The following TSKS variants were observed in gnomAD, a reference collection of about 807,000 sequenced individuals.
TSKS encodes testis specific serine kinase substrate.
A neutral mutation model predicts 68.0 loss-of-function variants in TSKS; 27 were observed. The ratio of observed to expected loss-of-function variants is 0.40; its 90% CI spans 0.29 to 0.55. TSKS has a LOEUF of 0.55. Ranked by LOEUF, TSKS falls within the 20% of genes least tolerant of loss-of-function variation. The pLI, the probability that TSKS is intolerant of heterozygous loss-of-function variation, is 0.53. For missense variants in TSKS, 806 were observed against 776.0 expected (o/e 1.04, Z -0.46); for synonymous variants, 331 against 340.4 (o/e 0.97, Z 0.30).
intron 7 of TSKS, among the ~76,000 whole-genome samples, chr19:49,744,858 G>C (rs1444538099): frequency 1.3e-5 from 2 of 152,142 alleles, no homozygotes; most frequent in Non-Finnish European, 2.9e-5. Context: ...CCAATGTGCT[G>C]GGATTATAGA....
chr19:49,762,248 A>C lies in TSKS; in HGVS notation c.171-16T>G. On this transcript the variant is annotated splice_polypyrimidine_tract_variant and intron_variant, in intron 1 of 10. Coordinates refer to ENST00000246801, the MANE Select transcript of TSKS (RefSeq NM_021733.2). Reference sequence around the variant, plus strand: ...GGGCTCCACCCTGCAGAGAAGAAACAGGCAGAAAAGTGGAGAAGCAGCCCC... The same window carrying C: ...GGGCTCCACCCTGCAGAGAAGAAACCGGCAGAAAAGTGGAGAAGCAGCCCC... 6.2e-7 allele frequency: 1 copy of C among 1,608,142 alleles called. No homozygotes were observed. The highest frequency in any genetic ancestry group is 1.1e-5 in the South Asian group (1 of 90,592).
At position 49,747,647 on chromosome 19, in the gene TSKS, G is replaced by A. The variant is rs141644467; in HGVS notation, c.580-175C>T. Among the ~76,000 whole-genome samples the A allele has an allele frequency of 4.4e-3, 668 of 152,274 alleles. 7 individuals are homozygous for A. The highest frequency in any genetic ancestry group is 0.016 in the African/African-American group (646 of 41,566). ...GCTTCCTCCTTAGCCAGATGTGCCA[G>A]AGTGGCACCCCTCCACTTCCTCCCA... On this transcript the variant is annotated intron_variant, in intron 4 of 10. Coordinates refer to ENST00000246801, the MANE Select transcript of TSKS (RefSeq NM_021733.2).
Position 49,745,241 on chromosome 19 carries a change from A to G in TSKS, c.1148T>C (p.Leu383Ser). 1 of 1,607,068 alleles carries G rather than the reference A, an allele frequency of 6.2e-7. No individual in the cohort carries two copies. Among genetic ancestry groups the G allele is most frequent in the Non-Finnish European group, 8.5e-7 (1 of 1,177,964 alleles). Reference protein sequence around the residue: ...QREQAQTARDLQELRGRADEL... With the variant: ...QREQAQTARDSQELRGRADEL... ...ATCCGCCCGACCTCGCAGCTCCTGC[A>G]AGTCCCGCGCCGTCTGTGCCTGTTC... The change falls in exon 7 of 11, where the codon TTG (leucine) becomes TCG (serine). Residue 383 changes from leucine to serine, a missense_variant. Coordinates refer to ENST00000246801, the MANE Select transcript of TSKS (RefSeq NM_021733.2).
chr19:49,757,535 G>GC (rs2084401682), intron 2 of TSKS, among the ~76,000 whole-genome samples: 1 of 152,164 alleles, frequency 6.6e-6, no homozygotes, highest in African/African-American at 2.4e-5. Flanking sequence ...CCAGTTACTA[G>GC]CCGTATGACC....
chr19:49,758,495 A>G (rs1364775701), intron 2 of TSKS, among the ~76,000 whole-genome samples: 1 of 152,184 alleles, frequency 6.6e-6, no homozygotes, highest in African/African-American at 2.4e-5. Flanking sequence ...TGACTCAGAA[A>G]TAGCTCTGGT....
intron 2 of TSKS, among the ~76,000 whole-genome samples, chr19:49,753,988 G>A (rs540190979): frequency 1.0e-3 from 150 of 148,860 alleles, no homozygotes; most frequent in Middle Eastern, 3.4e-3. Flanking sequence ...GGGTTCAAGC[G>A]ATTCCCCTGC....
At chr19:49,743,233 C>T (rs2084266855) in intron 8 of TSKS, among the ~76,000 whole-genome samples, 5 of 151,794 alleles carry the variant, frequency 3.3e-5, no homozygotes, top group Admixed American at 2.0e-4. Flanking sequence ...TGCTCACCAC[C>T]ACACCCAGCT....
chr19:49,748,022 C>T, intron 4 of TSKS, 63 bp downstream of exon 4: 2 of 1,516,134 alleles, frequency 1.3e-6, no homozygotes, highest in Non-Finnish European at 1.8e-6. Flanking sequence ...TCCCCTCTTT[C>T]TCCCACCCTC....
At chr19:49,757,042 A>C (rs1176553256) in intron 2 of TSKS, among the ~76,000 whole-genome samples, 1 of 152,226 alleles carries the variant, frequency 6.6e-6, no homozygotes, top group South Asian at 2.1e-4. Context: ...CCTAGGTGAC[A>C]GAGACTCTGT....
intron 2 of TSKS, among the ~76,000 whole-genome samples, chr19:49,756,596 TAGAA>T (rs1246247970): frequency 2.9e-5 from 4 of 139,964 alleles, no homozygotes; most frequent in South Asian, 2.2e-4. Flanking sequence ...AAACTAGAAA[TAGAA>T]AGGAAGAAAG....
Position 49,763,150 on chromosome 19 carries a change from G to A in TSKS, c.98C>T (p.Pro33Leu). The change falls in exon 1 of 11, where the codon CCA (proline) becomes CTA (leucine). Residue 33 changes from proline (P) to leucine (L), a missense_variant. Transcript: ENST00000246801. The surrounding 1 kb of genome is among the most constrained non-coding windows in gnomAD (Gnocchi z 4.5). ...TGVESCSQLVPEAPRRVTSRA... is the reference protein window; with the variant it reads ...TGVESCSQLVLEAPRRVTSRA... ...GCTGGTCACCCTCCGGGGAGCCTCT[G>A]GGACTAGCTGGGAGCAGCTCTCCAC... 1 of 1,609,894 alleles carries A rather than the reference G, an allele frequency of 6.2e-7. No homozygotes were observed. Among genetic ancestry groups the A allele is most frequent in the Non-Finnish European group, 8.5e-7 (1 of 1,178,018 alleles).
chr19:49,742,904 G>A (rs2084263765), intron 8 of TSKS, among the ~76,000 whole-genome samples: 2 of 152,032 alleles, frequency 1.3e-5, no homozygotes. Flanking sequence ...GTTGTACTGT[G>A]AGTCCCCCTT....
chr19:49,759,930 G>A (rs1360613704), intron 2 of TSKS, among the ~76,000 whole-genome samples: 2 of 150,864 alleles, frequency 1.3e-5, no homozygotes, highest in Non-Finnish European at 3.0e-5. Flanking sequence ...GAGGTGGGCG[G>A]TCATCTGAGG....
chr19:49,747,613 A>G (rs1473178232), intron 4 of TSKS, 141 bp from the exon 5 acceptor site: 1 of 817,312 alleles, frequency 1.2e-6, no homozygotes, highest in Non-Finnish European at 2.0e-6. Flanking sequence ...TTCCTTGGCT[A>G]AGGGGATGGC....
At chr19:49,757,115 A>G (rs1158668919) in intron 2 of TSKS, among the ~76,000 whole-genome samples, 3 of 152,242 alleles carry the variant, frequency 2.0e-5, no homozygotes, top group Non-Finnish European at 1.5e-5. Context: ...AGACTACTTC[A>G]TAAGAGGAAC....
At position 49,741,955 on chromosome 19, in the gene TSKS, A is replaced by G. The variant is rs1325317843; in HGVS notation, c.1427T>C (p.Val476Ala). The G allele has an allele frequency of 6.2e-7, 1 of 1,614,112 alleles. No homozygotes were observed. The highest frequency in any genetic ancestry group is 8.5e-7 in the Non-Finnish European group (1 of 1,180,012). ...QLLDRALTSL[V>A]DEVKQRGLTP... ...CAGGCCCCTCTGCTTCACCTCGTCC[A>G]CTAGTGAGGTCAGTGCTCGGTCCAG... Residue 476 changes from valine to alanine, a missense_variant, in exon 9 of 11, where the codon GTG (valine) becomes GCG (alanine). Val to Ala is a moderately conservative substitution (Grantham distance 64). Transcript: ENST00000246801.
chr19:49,740,939 G>A (rs1272667252), intron 9 of TSKS, among the ~76,000 whole-genome samples: 2 of 151,602 alleles, frequency 1.3e-5, no homozygotes, highest in East Asian at 1.9e-4. Context: ...AGTACTTTGG[G>A]AGGCTGAGGC....
At chr19:49,747,997 C>A (rs1013104869) in intron 4 of TSKS, 88 bp downstream of exon 4, 2 of 1,300,036 alleles carry the variant, frequency 1.5e-6, no homozygotes, top group Non-Finnish European at 2.2e-6. Context: ...ATGTGAGCCA[C>A]TGCACCCAGC....
intron 3 of TSKS, 27 bp from the exon 4 acceptor site, chr19:49,748,195 G>A: frequency 6.2e-7 from 1 of 1,612,294 alleles, no homozygotes; most frequent in Middle Eastern, 1.7e-4. Context: ...GGAGAGGTTA[G>A]CCAAGGACAC....
Sources: allele counts gnomAD v4.1 joint callset (sites outside exome capture counted in the v4.1 genomes callset), GRCh38; gene constraint gnomAD v4.1.1; non-coding constraint Gnocchi (gnomAD v3.1); transcripts MANE v1.5; gene names NCBI Gene and HGNC (gene_info 2026-07-23, HGNC 2026-07-21).